ACTR10: variants seen among roughly 807,000 people sequenced by gnomAD.
ACTR10 encodes the protein actin-related protein 10.
A neutral mutation model predicts 56.2 loss-of-function variants in ACTR10; 43 were observed. That is an observed-to-expected ratio of 0.77 (90% CI 0.60 to 0.99). The LOEUF (loss-of-function observed/expected upper bound fraction) is 0.99. Among genes scored for constraint, ACTR10 ranks in the 50% least tolerant of loss-of-function variants. The pLI, the probability that ACTR10 is intolerant of heterozygous loss-of-function variation, is 0.00. For synonymous variants in ACTR10, 170 were observed against 176.3 expected (o/e 0.96, Z 0.28); for missense variants, 466 against 507.8 (o/e 0.92, Z 0.79).
At chr14:58,218,844 A>C (rs1374515330) in intron 7 of ACTR10, among the ~76,000 whole-genome samples, 2 of 152,030 alleles carry the variant, frequency 1.3e-5, no homozygotes, top group Non-Finnish European at 2.9e-5. Flanking sequence ...TTATTTTTTG[A>C]GACGGAGTTT....
At chr14:58,205,517 G>A (rs578181710) in intron 2 of ACTR10, among the ~76,000 whole-genome samples, 24 of 151,784 alleles carry the variant, frequency 1.6e-4, no homozygotes, top group African/African-American at 5.3e-4. Flanking sequence ...GGGTTTCACC[G>A]TGTTAGCCAG....
intron 10 of ACTR10, among the ~76,000 whole-genome samples, chr14:58,224,227 C>T (rs925897896): frequency 6.6e-6 from 1 of 152,082 alleles, no homozygotes; most frequent in South Asian, 2.1e-4. Flanking sequence ...GTCTCAAACT[C>T]CTGACCTCAG....
rs918878362 is a variant in ACTR10, at chr14:58,235,251, T to C, written c.*700T>C. On this transcript the variant is annotated 3_prime_UTR_variant, in exon 13 of 13. Transcript: ENST00000254286. ...GTTAACCATTACCAGTTATTTCAAA[T>C]ACTAACATGGGTCCATTTAAAAAAA... The C allele has an allele frequency of 1.3e-5, 2 of 152,214 alleles. No homozygotes were observed. The highest frequency in any genetic ancestry group is 2.9e-5 in the Non-Finnish European group (2 of 68,044). 9.4% of individuals were successfully genotyped at this position (152,214 alleles called of 1,614,324 possible).
At chr14:58,216,619 C>G (rs1299706383) in intron 7 of ACTR10, among the ~76,000 whole-genome samples, 1 of 152,202 alleles carries the variant, frequency 6.6e-6, no homozygotes, top group East Asian at 1.9e-4. Context: ...AAATTTCTTA[C>G]AGTTGTCGAG....
chr14:58,208,105 C>CA (rs34557633), intron 3 of ACTR10, 87 bp downstream of exon 3: 32,656 of 911,618 alleles, frequency 0.036, 7 homozygotes, highest in Non-Finnish European at 0.038. Context: ...CAGCTGAGGC[C>CA]AAAAAAAAAA....
In ACTR10 at chr14:58,223,862, A is replaced by T. The variant is rs1038985928; in HGVS notation, c.788+6A>T. 6.3e-6 allele frequency: 10 copies of T among 1,598,670 alleles called. 1 individual carries two copies. In the Middle Eastern group the frequency reaches 6.7e-4, roughly 106 times the overall value. On this transcript the variant is annotated splice_donor_region_variant and intron_variant, in intron 10 of 12. Coordinates refer to ENST00000254286, the MANE Select transcript of ACTR10 (RefSeq NM_018477.3). ...CATATCCTTGGATCAATCAGGTTAG[A>T]TCTTAAATTTTTACGGCAAAGTAGT... is the stretch of plus-strand genomic sequence containing the variant.
chr14:58,209,327 T>G, intron 4 of ACTR10: 1 of 273,770 alleles, frequency 3.7e-6, no homozygotes. Flanking sequence ...GGCCATTTAT[T>G]TTCTTCCTTT....
intron 8 of ACTR10, among the ~76,000 whole-genome samples, chr14:58,222,046 T>A (rs1947279981): frequency 1.3e-5 from 2 of 152,190 alleles, no homozygotes; most frequent in Admixed American, 1.3e-4. Context: ...TAGCATATTG[T>A]GGATTCTCAA....
At chr14:58,202,351 G>A (rs1301206074) in intron 1 of ACTR10, among the ~76,000 whole-genome samples, 1 of 151,900 alleles carries the variant, frequency 6.6e-6, no homozygotes, top group Non-Finnish European at 1.5e-5. Flanking sequence ...GGAGGCCGAC[G>A]CGGGCGGGTC....
At chr14:58,232,989 G>A (rs1310095651) in intron 12 of ACTR10, among the ~76,000 whole-genome samples, 1 of 151,154 alleles carries the variant, frequency 6.6e-6, no homozygotes, top group East Asian at 2.0e-4. Flanking sequence ...TCCTGCCTCA[G>A]CCTCCCTAGT....
At chr14:58,222,634 G>A (rs1023452466) in intron 8 of ACTR10, among the ~76,000 whole-genome samples, 13 of 151,894 alleles carry the variant, frequency 8.6e-5, no homozygotes, top group African/African-American at 3.1e-4. Flanking sequence ...GCATGGTGGC[G>A]TGTGCCTGTA....
At chr14:58,219,503 G>A (rs997236007) in intron 7 of ACTR10, 191 bp from the exon 8 acceptor site, 1 of 414,726 alleles carries the variant, frequency 2.4e-6, no homozygotes, top group Admixed American at 4.2e-5. Flanking sequence ...TCCATGGTTT[G>A]TCTTGGCTTT....
chr14:58,230,280 T>C lies in ACTR10; in HGVS notation c.789-119T>C, dbSNP rs1270125378. ...GAACACCTTGTATTTTAATAATTAT[T>C]CTTTGTTAATGTAGTATTGGTACTT... On this transcript the variant is annotated intron_variant, in intron 10 of 12. Coordinates refer to ENST00000254286, the MANE Select transcript of ACTR10 (RefSeq NM_018477.3). The C allele has an allele frequency of 1.2e-5, 6 of 504,318 alleles. No individual in the cohort carries two copies. The African/African-American group carries it at 1.2e-4, about 10-fold the overall frequency. The allele number at this position is 504,318 out of a possible 1,614,324, so 31.2% of individuals were successfully genotyped here.
chr14:58,200,348 A>T, intron 1 of ACTR10, 54 bp downstream of exon 1: 1 of 1,403,502 alleles, frequency 7.1e-7, no homozygotes, highest in Non-Finnish European at 9.4e-7. Flanking sequence ...CGGGTGGCAG[A>T]GCCCCAGGCA....
chr14:58,210,006 A>C (rs145909203), intron 4 of ACTR10, among the ~76,000 whole-genome samples: 2 of 152,188 alleles, frequency 1.3e-5, no homozygotes, highest in Admixed American at 1.3e-4. Flanking sequence ...TACTGATGTC[A>C]TGAGTCCAGG....
At chr14:58,218,584 A>T (rs187989695) in intron 7 of ACTR10, among the ~76,000 whole-genome samples, 220 of 152,060 alleles carry the variant, frequency 1.4e-3, no homozygotes, top group African/African-American at 1.8e-3. Context: ...GCTTTTTTTT[A>T]AAAATTATGG....
intron 6 of ACTR10, among the ~76,000 whole-genome samples, chr14:58,214,517 G>A (rs1287040893): frequency 6.6e-6 from 1 of 151,398 alleles, no homozygotes; most frequent in Non-Finnish European, 1.5e-5. Flanking sequence ...TTGAAATGGA[G>A]TCTCGCTCTG....
rs200649605 is a variant in ACTR10, at chr14:58,209,042, G to A, written c.277G>A (p.Glu93Lys). 5.0e-6 allele frequency: 8 copies of A among 1,612,434 alleles called. No homozygotes were observed. The highest frequency in any genetic ancestry group is 3.3e-5 in the South Asian group (3 of 90,856). ...NPRDRRVVII[E>K]SVLCPSHFRE... is the part of the protein sequence containing the mutation. ...CAGAGACCGCCGAGTTGTGATTATC[G>A]AATCGGTATTATGTCCTTCTCACTT... Residue 93 changes from glutamate (E) to lysine (K), a missense_variant, in exon 4 of 13, where the codon GAA (glutamate) becomes AAA (lysine). By Grantham distance (56) the Glu-to-Lys change is moderately conservative. Coordinates refer to ENST00000254286, the MANE Select transcript of ACTR10 (RefSeq NM_018477.3).
Position 58,213,703 on chromosome 14 carries a change from G to C in ACTR10, c.518+5G>C, listed in dbSNP as rs1889058028. The C allele has an allele frequency of 1.2e-6, 2 of 1,607,272 alleles. No homozygotes were observed. The highest frequency in any genetic ancestry group is 1.7e-6 in the Non-Finnish European group (2 of 1,176,074). On this transcript the variant is annotated splice_donor_5th_base_variant and intron_variant, in intron 6 of 12. Coordinates refer to ENST00000254286, the MANE Select transcript of ACTR10 (RefSeq NM_018477.3). The stretch of plus-strand genomic sequence containing the variant: ...AGGAGGAAAAGCTCTTCACAAGTAA[G>C]TTTCTTGGAATTTAACATATTCATT...
Sources: gnomAD v4.1 joint callset for allele counts (sites outside exome capture counted in the v4.1 genomes callset) on GRCh38, gnomAD v4.1.1 for gene constraint, MANE v1.5 for transcripts, NCBI Gene and HGNC (gene_info 2026-07-23, HGNC 2026-07-21) for gene names.